The following ANKRD44 variants were observed in gnomAD, a reference collection of about 807,000 sequenced individuals.
ANKRD44 encodes ankyrin repeat domain 44.
In ANKRD44, 35 loss-of-function variants were observed where a neutral mutation model predicts 116.0. The observed-to-expected ratio is 0.30, with a 90% confidence interval of 0.23 to 0.40. The LOEUF is 0.40. ANKRD44 is among the 10% of genes least tolerant of loss of function. The pLI is 1.00. For synonymous variants in ANKRD44, 435 were observed against 461.8 expected (o/e 0.94, Z 0.74); for missense variants, 1,014 against 1,242.6 (o/e 0.82, Z 2.77).
At chr2:197,236,268 C>T (rs2081975133) in intron 1 of ANKRD44, among the ~76,000 whole-genome samples, 1 of 152,076 alleles carries the variant, frequency 6.6e-6, no homozygotes, top group African/African-American at 2.4e-5. Flanking sequence ...TATCACAAAG[C>T]CCCTACTATG....
At chr2:197,191,031 A>G (rs2080810179) in intron 1 of ANKRD44, among the ~76,000 whole-genome samples, 4 of 152,256 alleles carry the variant, frequency 2.6e-5, no homozygotes, top group Admixed American at 2.6e-4. Flanking sequence ...AGATACCATG[A>G]AATCATTGAT....
At chr2:197,231,906 C>G (rs773797807) in intron 1 of ANKRD44, among the ~76,000 whole-genome samples, 7 of 152,072 alleles carry the variant, frequency 4.6e-5, no homozygotes, top group African/African-American at 9.7e-5. Flanking sequence ...TCCCCTCCCC[C>G]ACAAGACTGC....
At chr2:197,108,441 A>G (rs1233031375) in intron 9 of ANKRD44, among the ~76,000 whole-genome samples, 1 of 152,196 alleles carries the variant, frequency 6.6e-6, no homozygotes. Flanking sequence ...CCAATCCATA[A>G]GCAAGATGCC....
At chr2:197,225,407 A>T (rs2081682007) in intron 1 of ANKRD44, among the ~76,000 whole-genome samples, 1 of 152,078 alleles carries the variant, frequency 6.6e-6, no homozygotes, top group Non-Finnish European at 1.5e-5. Flanking sequence ...GCAGTGGCGC[A>T]ATCTCAGCTT....
intron 27 of ANKRD44, chr2:196,990,856 T>C (rs1343062374): frequency 1.1e-5 from 14 of 1,232,406 alleles, no homozygotes; most frequent in Non-Finnish European, 1.4e-5. Context: ...AAAGGCATCA[T>C]GGTAGCCAAA....
At chr2:197,149,634 C>G (rs1285964947) in intron 2 of ANKRD44, among the ~76,000 whole-genome samples, 3 of 152,182 alleles carry the variant, frequency 2.0e-5, no homozygotes, top group African/African-American at 7.2e-5. Flanking sequence ...TCCAAAGCAG[C>G]AGAACCACAG....
chr2:197,151,555 C>T (rs1446921879), intron 2 of ANKRD44, among the ~76,000 whole-genome samples: 1 of 151,566 alleles, frequency 6.6e-6, no homozygotes, highest in East Asian at 1.9e-4. Flanking sequence ...GGATCAAACT[C>T]AAAGAATAAA....
intron 8 of ANKRD44, among the ~76,000 whole-genome samples, chr2:197,116,021 C>G (rs2078698779): frequency 6.6e-6 from 1 of 152,134 alleles, no homozygotes; most frequent in African/African-American, 2.4e-5. Context: ...TAGTTATGAT[C>G]AGCAGTCCAC....
intron 22 of ANKRD44, among the ~76,000 whole-genome samples, chr2:197,000,713 T>C (rs547688756): frequency 6.6e-6 from 1 of 152,330 alleles, no homozygotes; most frequent in East Asian, 1.9e-4. Flanking sequence ...TTATTGCACT[T>C]ATGCAAGGCA....
At position 197,000,460 on chromosome 2, in the gene ANKRD44, G is replaced by A. The variant is rs561205092; in HGVS notation, c.2478C>T (p.Ala826=). 9 of 1,614,018 alleles carry A rather than the reference G, an allele frequency of 5.6e-6. No homozygotes were observed. The Admixed American group carries it at 6.7e-5, about 12-fold the overall frequency. Residue 826 remains alanine, a synonymous_variant, in exon 23 of 28, where the codon GCC becomes GCT. Coordinates refer to ENST00000282272, the MANE Select transcript of ANKRD44 (RefSeq NM_001195144.2). The stretch of plus-strand genomic sequence containing the variant: ...TACAACTGACGATACTGGAATCTAT[G>A]GCCCCAAGCAGCAATGATGCACAAT... ...HGNCASLLLG[A]IDSSIVSCRD...
intron 8 of ANKRD44, among the ~76,000 whole-genome samples, chr2:197,119,855 G>T (rs1188013345): frequency 6.6e-6 from 1 of 152,160 alleles, no homozygotes; most frequent in African/African-American, 2.4e-5. Flanking sequence ...GCATTCAAGT[G>T]ATGTCGCCCA....
chr2:197,173,696 T>C (rs772365456), intron 2 of ANKRD44, among the ~76,000 whole-genome samples: 50 of 152,054 alleles, frequency 3.3e-4, no homozygotes, highest in Non-Finnish European at 6.6e-4. Context: ...ATTTTTATAA[T>C]TAAATGGATT....
chr2:197,074,965 G>T (rs957313398), intron 16 of ANKRD44, among the ~76,000 whole-genome samples: 1 of 151,938 alleles, frequency 6.6e-6, no homozygotes, highest in African/African-American at 2.4e-5. Flanking sequence ...AATCCCAGAA[G>T]CTCCTAGAAT....
chr2:197,091,416 A>G (rs2078040615), intron 10 of ANKRD44, among the ~76,000 whole-genome samples: 1 of 152,234 alleles, frequency 6.6e-6, no homozygotes, highest in African/African-American at 2.4e-5. Flanking sequence ...GCTTCAGTGT[A>G]ATCACAGTAC....
intron 17 of ANKRD44, among the ~76,000 whole-genome samples, chr2:197,018,685 C>A (rs1415802358): frequency 6.6e-6 from 1 of 152,174 alleles, no homozygotes; most frequent in African/African-American, 2.4e-5. Context: ...GTTGTTCCTG[C>A]TGTATTCTAG....
chr2:197,264,501 G>C (rs960762315), intron 1 of ANKRD44, among the ~76,000 whole-genome samples: 4 of 152,186 alleles, frequency 2.6e-5, no homozygotes, highest in African/African-American at 9.7e-5. Context: ...TTTGATGATA[G>C]CATCAACGTT....
chr2:197,300,758 CT>C (rs112803787), intron 1 of ANKRD44, among the ~76,000 whole-genome samples: 6,142 of 122,714 alleles, frequency 0.05, 110 homozygotes, highest in African/African-American at 0.13. Flanking sequence ...TTTCATTTTC[CT>C]TTTTTTTTTT....
chr2:197,260,741 C>A (rs1005767834), intron 1 of ANKRD44, among the ~76,000 whole-genome samples: 1 of 151,776 alleles, frequency 6.6e-6, no homozygotes, highest in African/African-American at 2.4e-5. Flanking sequence ...CTCTCCAGCA[C>A]CTACTGTTTC....
chr2:197,171,379 GC>G (rs1296869368), intron 2 of ANKRD44, among the ~76,000 whole-genome samples: 1 of 152,208 alleles, frequency 6.6e-6, no homozygotes, highest in Non-Finnish European at 1.5e-5. Flanking sequence ...GATCAAAGGA[GC>G]TAATATAGTC....
Sources: gnomAD v4.1 joint callset for allele counts (sites outside exome capture counted in the v4.1 genomes callset) on GRCh38, gnomAD v4.1.1 for gene constraint, MANE v1.5 for transcripts, NCBI Gene and HGNC (gene_info 2026-07-23, HGNC 2026-07-21) for gene names.